The following SPIDR variants were observed in gnomAD, a reference collection of about 807,000 sequenced individuals.
SPIDR encodes the protein DNA repair-scaffolding protein.
SPIDR carries 93 observed loss-of-function variants against 104.6 expected under a neutral mutation model. The observed-to-expected ratio is 0.89, with a 90% CI of 0.75 to 1.06. The LOEUF (loss-of-function observed/expected upper bound fraction) is 1.06, where lower values mean the gene tolerates loss of function less well. Ranked by LOEUF, SPIDR falls within the 50% of genes least tolerant of loss-of-function variation. The pLI is 0.00. For missense variants in SPIDR, 1,154 were observed against 1,111.2 expected (o/e 1.04, Z -0.55); for synonymous variants, 431 against 416.9 (o/e 1.03, Z -0.41).
intron 5 of SPIDR, among the ~76,000 whole-genome samples, chr8:47,298,374 A>G (rs2041323124): frequency 6.6e-6 from 1 of 152,040 alleles, no homozygotes; most frequent in Non-Finnish European, 1.5e-5. Flanking sequence ...AGATGAGTAG[A>G]TTGCAAAAAT....
intron 5 of SPIDR, among the ~76,000 whole-genome samples, chr8:47,371,142 T>C (rs1554638677): frequency 6.6e-6 from 1 of 151,728 alleles, no homozygotes; most frequent in African/African-American, 2.4e-5. Context: ...TTTTTTTTTT[T>C]TTTAAGGAAA....
rs184650883 is a variant in SPIDR at position 47,445,243 on chromosome 8, A to C, written c.1097+4701A>C. 7.5e-4 allele frequency among the ~76,000 whole-genome samples: 114 copies of C among 152,336 alleles called. 1 individual carries two copies. The Middle Eastern group carries it at 0.027, about 36-fold the overall frequency. ...TAACAGCATGTGCTCACCTGTCTCT[A>C]TATCACATTTGAATAATTATCCCAG... On this transcript the variant is annotated intron_variant, in intron 8 of 19. Transcript: ENST00000297423.
chr8:47,360,490 G>T (rs1217022019), intron 5 of SPIDR, among the ~76,000 whole-genome samples: 1 of 152,028 alleles, frequency 6.6e-6, no homozygotes, highest in East Asian at 1.9e-4. Context: ...TAAGCTCCAG[G>T]GCAGGAGCCT....
chr8:47,642,321 C>G (rs1470942581), intron 10 of SPIDR, among the ~76,000 whole-genome samples: 4 of 150,712 alleles, frequency 2.7e-5, no homozygotes, highest in Non-Finnish European at 5.9e-5. Flanking sequence ...GAGGCTGAGG[C>G]AGGTGAATGG....
chr8:47,548,516 C>T (rs1035813572), intron 8 of SPIDR, among the ~76,000 whole-genome samples: 2 of 152,202 alleles, frequency 1.3e-5, no homozygotes, highest in African/African-American at 4.8e-5. Context: ...GGTGTGGTGA[C>T]GGGTGCCTCT....
chr8:47,353,325 C>T (rs1469915703), intron 5 of SPIDR, among the ~76,000 whole-genome samples: 1 of 152,126 alleles, frequency 6.6e-6, no homozygotes. Context: ...ATAACTTCAC[C>T]GCCTCTTACC....
chr8:47,394,961 C>T (rs1208026402), intron 5 of SPIDR, among the ~76,000 whole-genome samples: 7 of 152,122 alleles, frequency 4.6e-5, no homozygotes, highest in African/African-American at 1.4e-4. Context: ...TAGACATTTA[C>T]TTTTTCTTAT....
chr8:47,554,419 A>G (rs1339953399), intron 8 of SPIDR, among the ~76,000 whole-genome samples: 2 of 152,068 alleles, frequency 1.3e-5, no homozygotes, highest in Non-Finnish European at 1.5e-5. Context: ...ACTTCCCGGC[A>G]CTTTGTTTAC....
In SPIDR at chr8:47,673,892, T is replaced by G; in HGVS notation, c.1636T>G (p.Ser546Ala). The G allele has an allele frequency of 3.1e-6, 5 of 1,614,164 alleles. No homozygotes were observed. The highest frequency in any genetic ancestry group is 4.2e-6 in the Non-Finnish European group (5 of 1,180,030). ...MSKARQLEGK[S>A]CSLVGMKVLQ... is the part of the protein sequence containing the mutation. Reference sequence around the variant, plus strand: ...GAAGGCAAGACAGTTGGAAGGGAAGTCTTGCAGCCTGGTGGGAATGAAGGT... The same window carrying G: ...GAAGGCAAGACAGTTGGAAGGGAAGGCTTGCAGCCTGGTGGGAATGAAGGT... The change falls in exon 11 of 20, where the codon TCT (serine) becomes GCT (alanine). Residue 546 changes from serine (S) to alanine (A), a missense_variant. Physicochemically the swap from Ser to Ala is moderately conservative, Grantham distance 99. Coordinates refer to ENST00000297423, the MANE Select transcript of SPIDR (RefSeq NM_001080394.4).
chr8:47,266,680 C>G (rs1014700001), intron 1 of SPIDR, among the ~76,000 whole-genome samples: 5 of 152,146 alleles, frequency 3.3e-5, no homozygotes, highest in African/African-American at 1.2e-4. Flanking sequence ...CTATAAGAAA[C>G]TGACAAACTT....
rs111532427 is a variant in SPIDR at position 47,561,814 on chromosome 8, T to C, written c.1098-33997T>C. Among the ~76,000 whole-genome samples the C allele has an allele frequency of 4.7e-3, 716 of 152,330 alleles. 8 individuals are homozygous for C. The highest frequency in any genetic ancestry group is 0.015 in the African/African-American group (644 of 41,578). ...TCGACATATAGCCTTGTATAACATG[T>C]ACGGTAACTGACACATTATATCTCG... is the stretch of plus-strand genomic sequence containing the variant. On this transcript the variant is annotated intron_variant, in intron 8 of 19. Coordinates refer to ENST00000297423, the MANE Select transcript of SPIDR (RefSeq NM_001080394.4).
chr8:47,346,408 G>A (rs2052040390), intron 5 of SPIDR, among the ~76,000 whole-genome samples: 1 of 152,218 alleles, frequency 6.6e-6, no homozygotes, highest in Non-Finnish European at 1.5e-5. Context: ...ATGTTCATCA[G>A]GATGTTGGTC....
At chr8:47,391,260 G>T (rs769708074) in intron 5 of SPIDR, among the ~76,000 whole-genome samples, 1 of 152,096 alleles carries the variant, frequency 6.6e-6, no homozygotes, top group Admixed American at 6.5e-5. Flanking sequence ...TACATGGGCC[G>T]GGTGCAGCAG....
At chr8:47,521,714 G>A (rs894958100) in intron 8 of SPIDR, among the ~76,000 whole-genome samples, 4 of 151,752 alleles carry the variant, frequency 2.6e-5, no homozygotes, top group Non-Finnish European at 4.4e-5. Flanking sequence ...GAGCCACCGC[G>A]CCTGGCCACT....
intron 8 of SPIDR, among the ~76,000 whole-genome samples, chr8:47,536,140 A>T (rs143690956): frequency 1.3e-5 from 2 of 152,202 alleles, no homozygotes; most frequent in African/African-American, 2.4e-5. Context: ...ATTCTGATGA[A>T]GAAATCAAAG....
intron 10 of SPIDR, among the ~76,000 whole-genome samples, chr8:47,663,043 C>T (rs191955637): frequency 6.6e-6 from 1 of 152,324 alleles, no homozygotes. Context: ...ACTAAGACAC[C>T]TGTCTTGTCT....
intron 7 of SPIDR, 60 bp downstream of exon 7, chr8:47,408,021 C>A: frequency 1.1e-6 from 1 of 909,526 alleles, no homozygotes; most frequent in Non-Finnish European, 1.7e-6. Context: ...TAAAAGAATT[C>A]TTACATTAAA....
At chr8:47,684,424 G>C (rs2077492739) in intron 11 of SPIDR, among the ~76,000 whole-genome samples, 1 of 152,168 alleles carries the variant, frequency 6.6e-6, no homozygotes, top group Non-Finnish European at 1.5e-5. Flanking sequence ...GGGAGAAGCT[G>C]TGATTCAGCA....
At chr8:47,340,315 C>G (rs74324846) in intron 5 of SPIDR, among the ~76,000 whole-genome samples, 1 of 151,982 alleles carries the variant, frequency 6.6e-6, no homozygotes, top group Non-Finnish European at 1.5e-5. Flanking sequence ...GTACAATAAA[C>G]GTGAATAGGC....
Sources: allele counts gnomAD v4.1 joint callset (sites outside exome capture counted in the v4.1 genomes callset), GRCh38; gene constraint gnomAD v4.1.1; transcripts MANE v1.5; gene names NCBI Gene and HGNC (gene_info 2026-07-23, HGNC 2026-07-21).